The following C16orf74 variants were observed in gnomAD, a reference collection of about 807,000 sequenced individuals.
C16orf74 encodes calcimembrin, also known as uncharacterized protein C16orf74.
A neutral mutation model predicts 6.5 loss-of-function variants in C16orf74; 10 were observed. The ratio of observed to expected loss-of-function variants is 1.54; its 90% CI spans 0.95 to 2.61. The LOEUF (loss-of-function observed/expected upper bound fraction) is 2.61, where lower values mean the gene tolerates loss of function less well. C16orf74 is among the 30% of genes most tolerant of loss of function. C16orf74 has a pLI of 0.00. For synonymous variants in C16orf74, 60 were observed against 42.5 expected (o/e 1.41, Z -1.60); for missense variants, 141 against 105.9 (o/e 1.33, Z -1.45).
chr16:85,747,292 A>C (rs1438512083), intron 1 of C16orf74, among the ~76,000 whole-genome samples: 1 of 152,168 alleles, frequency 6.6e-6, no homozygotes, highest in Non-Finnish European at 1.5e-5. Context: ...CTCCACAGAA[A>C]AATACAAAAA....
chr16:85,746,419 A>G (rs1254041049), intron 1 of C16orf74, among the ~76,000 whole-genome samples: 1 of 152,202 alleles, frequency 6.6e-6, no homozygotes, highest in African/African-American at 2.4e-5. Context: ...TATCTGCTGA[A>G]TCTGACCACT....
chr16:85,720,166 C>A (rs143291986), intron 2 of C16orf74, among the ~76,000 whole-genome samples: 1 of 152,064 alleles, frequency 6.6e-6, no homozygotes, highest in Non-Finnish European at 1.5e-5. Context: ...ATAGAGACAG[C>A]AGTGGATGTT....
intron 2 of C16orf74, among the ~76,000 whole-genome samples, chr16:85,711,333 G>T (rs1393787784): frequency 7.9e-5 from 7 of 88,350 alleles, no homozygotes; most frequent in African/African-American, 2.6e-4. Flanking sequence ...AAAAAAAAAA[G>T]GCTGGGCGTG....
At chr16:85,725,111 C>G (rs1256377831) in intron 2 of C16orf74, among the ~76,000 whole-genome samples, 2 of 152,198 alleles carry the variant, frequency 1.3e-5, no homozygotes, top group Admixed American at 1.3e-4. Context: ...GGAGGGGTGC[C>G]CGCTCTGCCC....
chr16:85,709,906 C>T (rs927392527), intron 3 of C16orf74, among the ~76,000 whole-genome samples: 6 of 152,242 alleles, frequency 3.9e-5, no homozygotes, highest in South Asian at 2.1e-4. Context: ...CGGGCCAGCC[C>T]GGCCCCATCC....
chr16:85,736,916 T>G (rs2054251266), intron 1 of C16orf74, among the ~76,000 whole-genome samples: 3 of 151,896 alleles, frequency 2.0e-5, no homozygotes, highest in Admixed American at 2.0e-4. Context: ...TGGTGGTGGG[T>G]GCTTGTAATA....
At chr16:85,728,244 G>A (rs1567807680) in intron 2 of C16orf74, among the ~76,000 whole-genome samples, 1 of 152,200 alleles carries the variant, frequency 6.6e-6, no homozygotes, top group African/African-American at 2.4e-5. Flanking sequence ...GACCGTGTGA[G>A]TGTAAGTTGT....
At chr16:85,749,025 C>T (rs766277981) in intron 1 of C16orf74, among the ~76,000 whole-genome samples, 1 of 150,372 alleles carries the variant, frequency 6.7e-6, no homozygotes, top group African/African-American at 2.4e-5. Flanking sequence ...AGGTGATGCT[C>T]GTGCCTCACC....
chr16:85,712,901 T>C lies in C16orf74; in HGVS notation c.29-2594A>G, dbSNP rs187600592. 6.6e-4 allele frequency among the ~76,000 whole-genome samples: 101 copies of C among 152,276 alleles called. 3 individuals are homozygous for C. The East Asian group carries it at 0.018, about 27-fold the overall frequency. ...ACTGGGTGTCCAAAGGCGTGATTGA[T>C]GGAGGGGGGCTCCGGGTCATGCCCG... On this transcript the variant is annotated intron_variant, in intron 2 of 3. Coordinates refer to ENST00000284245, the MANE Select transcript of C16orf74 (RefSeq NM_206967.3).
chr16:85,734,450 G>A (rs2054222545), intron 2 of C16orf74, among the ~76,000 whole-genome samples: 1 of 152,172 alleles, frequency 6.6e-6, no homozygotes, highest in Admixed American at 6.5e-5. Context: ...GGCTGCTGGG[G>A]TCAGGTAGGT....
Position 85,710,213 on chromosome 16 carries a change from C to T in C16orf74, c.123G>A (p.Thr41=), listed in dbSNP as rs115139300. 2,127 of 1,498,424 alleles carry T rather than the reference C, an allele frequency of 1.4e-3. 26 individuals carry two copies. In the African/African-American group the frequency reaches 0.027, roughly 19 times the overall value. The allele number at this position is 1,498,424 out of a possible 1,614,324, so 92.8% of individuals were successfully genotyped here. ...GCATCATGCCCGTGGGGGTGGGGGG[C>T]GTGATGATGATGTCGGGCACGTCCA... ...KHLDVPDIII[T]PPTPTGMMLP... The change falls in exon 3 of 4, where the codon ACG becomes ACA. Residue 41 remains threonine, a synonymous_variant. Transcript: ENST00000284245.
chr16:85,722,060 G>C (rs570661477), intron 2 of C16orf74, among the ~76,000 whole-genome samples: 1 of 144,712 alleles, frequency 6.9e-6, no homozygotes, highest in Non-Finnish European at 1.5e-5. Context: ...CTGGGCTCAC[G>C]CGGTCTTGCT....
chr16:85,714,604 G>C (rs981582761), intron 2 of C16orf74, among the ~76,000 whole-genome samples: 4 of 151,158 alleles, frequency 2.6e-5, no homozygotes, highest in Admixed American at 6.6e-5. Context: ...ATTTTTCGTA[G>C]AGACGGCGTT....
intron 2 of C16orf74, among the ~76,000 whole-genome samples, chr16:85,732,498 T>C (rs2054200028): frequency 6.6e-6 from 1 of 151,522 alleles, no homozygotes; most frequent in African/African-American, 2.4e-5. Flanking sequence ...AAACCCCGTC[T>C]CTACTAAAAA....
At chr16:85,722,700 C>G (rs1248222414) in intron 2 of C16orf74, among the ~76,000 whole-genome samples, 1 of 152,078 alleles carries the variant, frequency 6.6e-6, no homozygotes. Context: ...GTTGCCCAGG[C>G]AACCTCAGCG....
At chr16:85,719,863 C>T (rs959946703) in intron 2 of C16orf74, among the ~76,000 whole-genome samples, 1 of 144,850 alleles carries the variant, frequency 6.9e-6, no homozygotes, top group African/African-American at 2.8e-5. Flanking sequence ...CACACAAAGG[C>T]CCTGAGGCAG....
In C16orf74 at chr16:85,718,479, C is replaced by T. The variant is rs749564345; in HGVS notation, c.29-8172G>A. Among the ~76,000 whole-genome samples, 15 of 152,344 alleles carry T rather than the reference C, an allele frequency of 9.8e-5. No individual in the cohort carries two copies. In the South Asian group the frequency reaches 1.2e-3, roughly 13 times the overall value. Reference sequence around the variant, plus strand: ...CCATCACACACACACAGGGCTCCAGCCTGTCGGACCCACGATGCGATGGAC... The same window carrying T: ...CCATCACACACACACAGGGCTCCAGTCTGTCGGACCCACGATGCGATGGAC... On this transcript the variant is annotated intron_variant, in intron 2 of 3. Coordinates refer to ENST00000284245, the MANE Select transcript of C16orf74 (RefSeq NM_206967.3).
intron 1 of C16orf74, among the ~76,000 whole-genome samples, chr16:85,739,938 A>C (rs929364855): frequency 2.6e-5 from 4 of 151,716 alleles, no homozygotes; most frequent in African/African-American, 4.8e-5. Flanking sequence ...GGCCGGGCGC[A>C]GTGGCTCATG....
At chr16:85,710,424 C>T in intron 2 of C16orf74, 117 bp from the exon 3 acceptor site, 1 of 1,011,666 alleles carries the variant, frequency 9.9e-7, no homozygotes. Flanking sequence ...GTCCTGACGC[C>T]TCGCAGCAAG....
Sources: allele counts gnomAD v4.1 joint callset (sites outside exome capture counted in the v4.1 genomes callset), GRCh38; gene constraint gnomAD v4.1.1; transcripts MANE v1.5; gene names NCBI Gene and HGNC (gene_info 2026-07-23, HGNC 2026-07-21).